B3GNT7: variants seen among roughly 807,000 people sequenced by gnomAD.
B3GNT7 encodes the protein UDP-GlcNAc:betaGal beta-1,3-N-acetylglucosaminyltransferase 7.
A neutral mutation model predicts 5.1 loss-of-function variants in B3GNT7; 9 were observed. The ratio of observed to expected loss-of-function variants is 1.77; its 90% confidence interval spans 1.07 to 3.09. B3GNT7 has a LOEUF of 3.09. B3GNT7 is among the 30% of genes most tolerant of loss of function. The pLI is 0.00. For missense variants in B3GNT7, 468 were observed against 550.8 expected, an observed-to-expected ratio of 0.85 and a Z score of 1.50; for synonymous variants, 253 against 248.6, an observed-to-expected ratio of 1.02 and a Z score of -0.17.
Position 231,398,270 on chromosome 2 carries a change from A to G in B3GNT7, c.551A>G (p.Glu184Gly). ...LFLLGTASKQ[E>G]ERTHYQQLLA... is the part of the protein sequence containing the mutation. ...CTGCTGGGCACGGCCTCCAAGCAGG[A>G]GGAGCGCACGCACTACCAGCAGCTG... Residue 184 changes from glutamate to glycine, a missense_variant, in exon 2 of 2, where the codon GAG (glutamate) becomes GGG (glycine). Physicochemically the swap from Glu to Gly is moderately conservative, Grantham distance 98 (BLOSUM62 -2). Coordinates refer to ENST00000287590, the MANE Select transcript of B3GNT7 (RefSeq NM_145236.3). 6.2e-7 allele frequency: 1 copy of G among 1,612,834 alleles called. No homozygotes were observed.
chr2:231,398,698 G>A lies in B3GNT7; in HGVS notation c.979G>A (p.Asp327Asn), dbSNP rs746379926. The A allele has an allele frequency of 5.0e-6, 8 of 1,611,834 alleles. No homozygotes were observed. In the East Asian group the frequency reaches 6.7e-5, roughly 13 times the overall value. The change falls in exon 2 of 2, where the codon GAC becomes AAC. Residue 327 changes from aspartate to asparagine, a missense_variant. Physicochemically the swap from Asp to Asn is conservative, Grantham distance 23. Coordinates refer to ENST00000287590, the MANE Select transcript of B3GNT7 (RefSeq NM_145236.3). ...CACCCTGGAGCTCTACCCGATCGAC[G>A]ACGTCTTTCTGGGCATGTGCCTGGA... ...CDTLELYPID[D>N]VFLGMCLEVL...
rs1169323391 is a variant in B3GNT7 at position 231,395,740 on chromosome 2, G to T, written c.-64G>T. On this transcript the variant is annotated 5_prime_UTR_variant, in exon 1 of 2. Coordinates refer to ENST00000287590, the MANE Select transcript of B3GNT7 (RefSeq NM_145236.3). The surrounding 1 kb of genome is among the most constrained non-coding windows in gnomAD (Gnocchi z 7.3). ...TCCCCACCCGCCCGCCGTCCCGCCG[G>T]CCCGAGCCGTGGCGCCCAGAGCTGC... 2.6e-6 allele frequency: 3 copies of T among 1,154,060 alleles called. No individual in the cohort carries two copies. Among genetic ancestry groups the T allele is most frequent in the African/African-American group, 1.6e-5 (1 of 61,124 alleles). The allele number at this position is 1,154,060 out of a possible 1,614,324, so 71.5% of individuals were successfully genotyped here.
At chr2:231,396,778 T>A (rs567363563) in intron 1 of B3GNT7, among the ~76,000 whole-genome samples, 14 of 151,864 alleles carry the variant, frequency 9.2e-5, no homozygotes, top group Non-Finnish European at 1.5e-4. Flanking sequence ...GAGGGTGAGA[T>A]GAAGAGAGGA....
rs766169009 is a variant in B3GNT7, at chr2:231,398,927, C to T, written c.*2C>T. Reference sequence around the variant, plus strand: ...TCCCGCAAGCTCCAGGTGCTCTGACCCCAGCCGGGCTACTAGGACAGGCCA... The same window carrying T: ...TCCCGCAAGCTCCAGGTGCTCTGACTCCAGCCGGGCTACTAGGACAGGCCA... On this transcript the variant is annotated 3_prime_UTR_variant, in exon 2 of 2. Transcript: ENST00000287590. The T allele has an allele frequency of 5.8e-6, 9 of 1,562,872 alleles. No homozygotes were observed. Among genetic ancestry groups the T allele is most frequent in the Non-Finnish European group, 6.0e-6 (7 of 1,162,152 alleles).
At position 231,399,025 on chromosome 2, in the gene B3GNT7, A is replaced by G. The variant is rs2046542288; in HGVS notation, c.*100A>G. On this transcript the variant is annotated 3_prime_UTR_variant, in exon 2 of 2. Coordinates refer to ENST00000287590, the MANE Select transcript of B3GNT7 (RefSeq NM_145236.3). ...GCCCAGGCCTAGCCTTTGGTCCCCA[A>G]GGGGAGGTGGAGGGTTGAGGCCTAC... is the stretch of plus-strand genomic sequence containing the variant. 1.8e-6 allele frequency: 2 copies of G among 1,127,402 alleles called. No homozygotes were observed. Among genetic ancestry groups the G allele is most frequent in the East Asian group, 2.6e-5 (1 of 38,710 alleles). The allele number at this position is 1,127,402 out of a possible 1,614,324, so 69.8% of individuals were successfully genotyped here.
At chr2:231,397,297 G>A (rs1290272619) in intron 1 of B3GNT7, 1 of 988,232 alleles carries the variant, frequency 1.0e-6, no homozygotes, top group Non-Finnish European at 1.2e-6. Context: ...GCAGGGAAAT[G>A]AAAGGCATTG....
In B3GNT7 at chr2:231,398,721, G is replaced by C. The variant is rs759914870; in HGVS notation, c.1002G>C (p.Leu334=). 1.2e-6 allele frequency: 2 copies of C among 1,611,426 alleles called. No homozygotes were observed. Among genetic ancestry groups the C allele is most frequent in the African/African-American group, 2.7e-5 (2 of 74,948 alleles). Residue 334 remains leucine (L), a synonymous_variant, in exon 2 of 2, where the codon CTG becomes CTC. Transcript: ENST00000287590. ...ACGACGTCTTTCTGGGCATGTGCCT[G>C]GAGGTGCTGGGCGTGCAGCCCACGG... The part of the protein sequence containing the change: ...PIDDVFLGMC[L]EVLGVQPTAH...
Position 231,397,740 on chromosome 2 carries a change from C to T in B3GNT7, c.21C>T (p.Thr7=), listed in dbSNP as rs764922477. ...CCGCTCTCCCCCACAGGAAGAAAACCGTCTACCGGAGTCTGTGCCTGGCCC... is the reference window on the plus strand; with the variant it reads ...CCGCTCTCCCCCACAGGAAGAAAACTGTCTACCGGAGTCTGTGCCTGGCCC... MSLWKK[T]VYRSLCLALA... The change falls in exon 2 of 2, where the codon ACC becomes ACT. Residue 7 remains threonine, a synonymous_variant. Coordinates refer to ENST00000287590, the MANE Select transcript of B3GNT7 (RefSeq NM_145236.3). 8.1e-6 allele frequency: 13 copies of T among 1,610,378 alleles called. No homozygotes were observed. The highest frequency in any genetic ancestry group is 2.2e-5 in the East Asian group (1 of 44,858).
chr2:231,395,770 C>T lies in B3GNT7; in HGVS notation c.-34C>T, dbSNP rs1206104855. ...AGCCGTGGCGCCCAGAGCTGCGAGC[C>T]GCTCGCCCCTCCGCCGCTCCGGCCC... On this transcript the variant is annotated 5_prime_UTR_variant, in exon 1 of 2. Transcript: ENST00000287590. The surrounding 1 kb of genome is among the most constrained non-coding windows in gnomAD (Gnocchi z 7.3). The T allele has an allele frequency of 2.3e-5, 27 of 1,171,714 alleles. No individual in the cohort carries two copies. The highest frequency in any genetic ancestry group is 2.7e-5 in the Non-Finnish European group (26 of 949,812). 72.6% of individuals were successfully genotyped at this position (1,171,714 alleles called of 1,614,324 possible). A position where few individuals can be genotyped will look rare whatever the true frequency, so the allele number is the denominator to read the frequency against.
Position 231,398,587 on chromosome 2 carries a change from G to C in B3GNT7, c.868G>C (p.Gly290Arg). 1 of 1,612,746 alleles carries C rather than the reference G, an allele frequency of 6.2e-7. No homozygotes were observed. Residue 290 changes from glycine to arginine, a missense_variant, in exon 2 of 2, where the codon GGC (glycine) becomes CGC (arginine). Coordinates refer to ENST00000287590, the MANE Select transcript of B3GNT7 (RefSeq NM_145236.3). ...NKYYIPGALY[G>R]KASYPPYAGG... ...ATACTACATCCCGGGGGCCCTGTAC[G>C]GCAAGGCCAGCTATCCGCCGTATGC...
Position 231,398,398 on chromosome 2 carries a change from G to A in B3GNT7, c.679G>A (p.Asp227Asn). 1 of 1,613,702 alleles carries A rather than the reference G, an allele frequency of 6.2e-7. No individual in the cohort carries two copies. Among genetic ancestry groups the A allele is most frequent in the Non-Finnish European group, 8.5e-7 (1 of 1,179,872 alleles). The change falls in exon 2 of 2, where the codon GAC becomes AAC. Residue 227 changes from aspartate (D) to asparagine (N), a missense_variant. Coordinates refer to ENST00000287590, the MANE Select transcript of B3GNT7 (RefSeq NM_145236.3). ...LKEIHFLKWL[D>N]IYCPHVPFIF... The stretch of plus-strand genomic sequence containing the variant: ...GGAGATCCACTTCCTCAAGTGGCTG[G>A]ACATCTACTGCCCCCACGTCCCCTT...
At position 231,398,916 on chromosome 2, in the gene B3GNT7, G is replaced by A. The variant is rs535210006; in HGVS notation, c.1197G>A (p.Gln399=). 1.3e-6 allele frequency: 2 copies of A among 1,577,052 alleles called. No homozygotes were observed. Among genetic ancestry groups the A allele is most frequent in the Non-Finnish European group, 1.7e-6 (2 of 1,169,690 alleles). The change falls in exon 2 of 2, where the codon CAG becomes CAA. Residue 399 remains glutamine, a synonymous_variant. Transcript: ENST00000287590. The stretch of plus-strand genomic sequence containing the variant: ...ATCTCACCTGCTCCCGCAAGCTCCA[G>A]GTGCTCTGACCCCAGCCGGGCTACT... ...HSNLTCSRKL[Q]VL
chr2:231,399,616 C>T lies in B3GNT7; in HGVS notation c.*691C>T, dbSNP rs2046546703. 1 of 152,470 alleles carries T rather than the reference C, an allele frequency of 6.6e-6. No individual in the cohort carries two copies. The highest frequency in any genetic ancestry group is 1.5e-5 in the Non-Finnish European group (1 of 68,312). 9.4% of individuals were successfully genotyped at this position (152,470 alleles called of 1,614,324 possible). ...GGGCTGCAGCCCTACCCCACCCCGA[C>T]ACAGGGCAGAAGAGCAGCGCTCCTG... On this transcript the variant is annotated 3_prime_UTR_variant, in exon 2 of 2. Transcript: ENST00000287590.
At position 231,398,727 on chromosome 2, in the gene B3GNT7, G is replaced by A. The variant is rs1224826132; in HGVS notation, c.1008G>A (p.Val336=). 6.2e-7 allele frequency: 1 copy of A among 1,611,268 alleles called. No individual in the cohort carries two copies. The highest frequency in any genetic ancestry group is 2.2e-5 in the East Asian group (1 of 44,872). Residue 336 remains valine (V), a synonymous_variant, in exon 2 of 2, where the codon GTG becomes GTA. Transcript: ENST00000287590. ...DDVFLGMCLE[V]LGVQPTAHEG... is the part of the protein sequence containing the mutation. ...TCTTTCTGGGCATGTGCCTGGAGGT[G>A]CTGGGCGTGCAGCCCACGGCCCACG...
At chr2:231,396,107 G>A (rs2046511537) in intron 1 of B3GNT7, among the ~76,000 whole-genome samples, 1 of 151,918 alleles carries the variant, frequency 6.6e-6, no homozygotes, top group Non-Finnish European at 1.5e-5. Context: ...CCTGGCGGCT[G>A]GGACCCCAGG....
At chr2:231,396,531 C>T (rs1429806357) in intron 1 of B3GNT7, among the ~76,000 whole-genome samples, 2 of 152,350 alleles carry the variant, frequency 1.3e-5, no homozygotes, top group Admixed American at 6.5e-5. Context: ...AAATGTCGCT[C>T]TATGGGGCTC....
chr2:231,397,699 C>G, intron 1 of B3GNT7, 32 bp from the exon 2 acceptor site: 1 of 1,535,792 alleles, frequency 6.5e-7, no homozygotes, highest in Non-Finnish European at 8.7e-7. Context: ...CATCTTTTCT[C>G]TCTCCTCTGT....
chr2:231,396,507 G>A (rs2046515603), intron 1 of B3GNT7, among the ~76,000 whole-genome samples: 1 of 152,196 alleles, frequency 6.6e-6, no homozygotes, highest in Admixed American at 6.5e-5. Context: ...AGCAACCTGG[G>A]GACCCTATGG....
In B3GNT7 at chr2:231,400,616, T is replaced by A. The variant is rs927220157; in HGVS notation, c.*1691T>A. On this transcript the variant is annotated 3_prime_UTR_variant, in exon 2 of 2. Coordinates refer to ENST00000287590, the MANE Select transcript of B3GNT7 (RefSeq NM_145236.3). ...GAGAAGAGTCACTCAGACAGCAGTA[T>A]GAGCAAGCCAGCCAGCAGCTCCGTG... The A allele has an allele frequency of 6.6e-5, 10 of 152,414 alleles. 1 individual carries two copies. Among genetic ancestry groups the A allele is most frequent in the African/African-American group, 2.4e-4 (10 of 41,414 alleles). The allele number at this position is 152,414 out of a possible 1,614,324, so 9.4% of individuals were successfully genotyped here.
Sources: gnomAD v4.1 joint callset for allele counts (sites outside exome capture counted in the v4.1 genomes callset) on GRCh38, gnomAD v4.1.1 for gene constraint, Gnocchi (gnomAD v3.1) non-coding constraint, MANE v1.5 for transcripts, NCBI Gene and HGNC (gene_info 2026-07-23, HGNC 2026-07-21) for gene names.